The following SOX6 variants were observed in gnomAD, a reference collection of about 807,000 sequenced individuals.
SOX6 encodes SRY-box transcription factor 6.
SOX6 carries 11 observed loss-of-function variants against 97.8 expected under a neutral mutation model. The ratio of observed to expected loss-of-function variants is 0.11; its 90% CI spans 0.07 to 0.19. The LOEUF is 0.19. Ranked by LOEUF, SOX6 falls within the 10% of genes least tolerant of loss-of-function variation. The probability of loss-of-function intolerance (pLI) is 1.00; values close to 1 mark genes in which losing one functional copy is unlikely to be tolerated. For synonymous variants in SOX6, 360 were observed against 371.4 expected (o/e 0.97, Z 0.35); for missense variants, 810 against 1,039.5 (o/e 0.78, Z 3.04).
At position 16,186,905 on chromosome 11, in the gene SOX6, T is replaced by C. The variant is rs1227658240; in HGVS notation, c.586A>G (p.Thr196Ala). 3.1e-5 allele frequency: 50 copies of C among 1,613,662 alleles called. No homozygotes were observed. Among genetic ancestry groups the C allele is most frequent in the Non-Finnish European group, 4.2e-5 (49 of 1,179,828 alleles). Residue 196 changes from threonine (T) to alanine (A), a missense_variant, in exon 5 of 16, where the codon ACC becomes GCC. Physicochemically the swap from Thr to Ala is moderately conservative, Grantham distance 58 (BLOSUM62 0). Around this residue, in one of 9 missense-constraint regions of SOX6, gnomAD observed 110 missense variants for 119.0 expected, o/e 0.92. Transcript: ENST00000683767. ...TGCTCCCGTAAACTGATCAGCTGGG[T>C]AATCATGGTGGAGAGCTGCCGTTCT... ...EKERQLSTMI[T>A]QLISLREQLL...
chr11:16,186,571 A>G (rs1472557846), intron 5 of SOX6, among the ~76,000 whole-genome samples: 2 of 152,146 alleles, frequency 1.3e-5, no homozygotes, highest in Admixed American at 6.5e-5. Flanking sequence ...AGTTATGCCC[A>G]GTTGCTATGA....
intron 3 of SOX6, among the ~76,000 whole-genome samples, chr11:16,280,158 A>G (rs1854513593): frequency 6.6e-6 from 1 of 152,106 alleles, no homozygotes; most frequent in Non-Finnish European, 1.5e-5. Context: ...TATGCGTAAG[A>G]GTCAAATATT....
At chr11:16,197,980 AG>A (rs1851828919) in intron 4 of SOX6, among the ~76,000 whole-genome samples, 1 of 152,210 alleles carries the variant, frequency 6.6e-6, no homozygotes, top group Admixed American at 6.5e-5. Flanking sequence ...TTCTCACACT[AG>A]GACATTCGTC....
rs576981296 is a variant in SOX6, at chr11:16,649,304, T to A, written n.430-37044A>T. On this transcript the variant is annotated intron_variant and non_coding_transcript_variant, in intron 3 of 5. Coordinates refer to the SOX6 transcript ENST00000524520. ...AATTCATTGCAGAAAGATCATCACC[T>A]AGGCATATATTCATCAGACTATCTA... is the stretch of plus-strand genomic sequence containing the variant. 2.0e-5 allele frequency among the ~76,000 whole-genome samples: 3 copies of A among 152,316 alleles called. No homozygotes were observed. The East Asian group carries it at 5.8e-4, about 29-fold the overall frequency.
intron 1 of SOX6, among the ~76,000 whole-genome samples, chr11:16,417,952 C>T (rs1210201532): frequency 2.0e-5 from 3 of 152,086 alleles, no homozygotes; most frequent in Non-Finnish European, 4.4e-5. Flanking sequence ...TTTAAACAAA[C>T]GCTAATATTC....
At chr11:16,078,789 A>G in intron 9 of SOX6, among the ~76,000 whole-genome samples, 1 of 152,152 alleles carries the variant, frequency 6.6e-6, no homozygotes. Flanking sequence ...TAAAGACCTG[A>G]GCTAAGTGAG....
chr11:16,129,529 C>G (rs1249392587), intron 6 of SOX6, among the ~76,000 whole-genome samples: 2 of 152,026 alleles, frequency 1.3e-5, no homozygotes, highest in Non-Finnish European at 2.9e-5. Context: ...GGTTAAGGTA[C>G]TAGTTTTAAA....
intron 6 of SOX6, among the ~76,000 whole-genome samples, chr11:16,132,310 GGAAGGAAGGAAGGAAGGAAGGAAA>G (rs1183957988): frequency 4.5e-5 from 5 of 111,296 alleles, no homozygotes; most frequent in African/African-American, 1.7e-4. Context: ...AAGGAAGGAA[GGAAGGAAGGAAGGAAGGAAGGAAA>G]GAAAAAAGAA....
chr11:16,075,602 A>T (rs1490481509), intron 9 of SOX6, among the ~76,000 whole-genome samples: 1 of 152,172 alleles, frequency 6.6e-6, no homozygotes, highest in Non-Finnish European at 1.5e-5. Context: ...TGGGAGCTGA[A>T]CAATGAGAAC....
At chr11:16,735,007 C>T (rs981241230) in intron 2 of SOX6, among the ~76,000 whole-genome samples, 3 of 152,110 alleles carry the variant, frequency 2.0e-5, no homozygotes, top group African/African-American at 7.2e-5. Context: ...TAATTATAGG[C>T]TTAATTCTAT....
chr11:16,138,654 C>A (rs1850041636), intron 6 of SOX6, among the ~76,000 whole-genome samples: 1 of 151,890 alleles, frequency 6.6e-6, no homozygotes, highest in Non-Finnish European at 1.5e-5. Flanking sequence ...CACCCATTAA[C>A]TCGTCATTTA....
chr11:16,454,433 A>C (rs1859776898), intron 1 of SOX6, among the ~76,000 whole-genome samples: 1 of 152,064 alleles, frequency 6.6e-6, no homozygotes. Context: ...TCATTCATAA[A>C]ATATTCAAGC....
chr11:16,590,751 A>G (rs1361091380), intron 4 of SOX6, among the ~76,000 whole-genome samples: 1 of 152,118 alleles, frequency 6.6e-6, no homozygotes, highest in African/African-American at 2.4e-5. Flanking sequence ...AAAAAAAATT[A>G]AAACAATTGA....
intron 3 of SOX6, among the ~76,000 whole-genome samples, chr11:16,308,633 AG>A (rs1855509149): frequency 6.6e-6 from 1 of 152,192 alleles, no homozygotes; most frequent in South Asian, 2.1e-4. Context: ...AATAATTAAT[AG>A]GTTTGTAATT....
Position 16,578,517 on chromosome 11 carries a change from TC to T in SOX6, n.609+33563del, listed in dbSNP as rs1211513987. ...GGGCTAGATTGTGTTAGATTGTTTT[TC>T]CCCCAAAGTTTATCCCACTGTCAAG... On this transcript the variant is annotated intron_variant and non_coding_transcript_variant, in intron 4 of 5. Coordinates refer to the SOX6 transcript ENST00000524520. Among the ~76,000 whole-genome samples, 7 of 152,050 alleles carry T rather than the reference TC, an allele frequency of 4.6e-5. No homozygotes were observed. The East Asian group carries it at 1.3e-3, about 29-fold the overall frequency.
intron 3 of SOX6, among the ~76,000 whole-genome samples, chr11:16,712,134 T>C (rs1272984029): frequency 6.6e-6 from 1 of 151,244 alleles, no homozygotes; most frequent in Non-Finnish European, 1.5e-5. Flanking sequence ...ACAGTTTCTT[T>C]AACCACTCAT....
rs1853148896 is a variant in SOX6, at chr11:15,966,637, T to A, written c.*6172A>T. On this transcript the variant is annotated 3_prime_UTR_variant, in exon 16 of 16. Coordinates refer to ENST00000683767, the MANE Select transcript of SOX6 (RefSeq NM_001367873.1). The stretch of plus-strand genomic sequence containing the variant: ...TATACATTATCACCCAAAGATGGCA[T>A]GTTGAACATATCAGGAAAGCACCTT... 6.6e-6 allele frequency: 1 copy of A among 152,018 alleles called. No homozygotes were observed. Among genetic ancestry groups the A allele is most frequent in the Non-Finnish European group, 1.5e-5 (1 of 68,044 alleles). The allele number at this position is 152,018 out of a possible 1,614,324, so 9.4% of individuals were successfully genotyped here.
chr11:16,545,464 G>A lies in SOX6; in HGVS notation n.609+66617C>T, dbSNP rs117728297. ...AGGTATAGAAAGTATATACCTTAAT[G>A]TAATAAAGTCCATATATGGCGAAGC... On this transcript the variant is annotated intron_variant and non_coding_transcript_variant, in intron 4 of 5. Transcript: ENST00000524520. Among the ~76,000 whole-genome samples, 617 of 152,130 alleles carry A rather than the reference G, an allele frequency of 4.1e-3. 13 individuals carry two copies. In the East Asian group the frequency reaches 0.046, roughly 11 times the overall value.
intron 11 of SOX6, among the ~76,000 whole-genome samples, chr11:16,048,557 T>A (rs1263981973): frequency 1.3e-5 from 2 of 152,152 alleles, no homozygotes; most frequent in East Asian, 3.9e-4. Context: ...ATTCTACCTG[T>A]AAAAACCACA....
Sources: allele counts gnomAD v4.1 joint callset (sites outside exome capture counted in the v4.1 genomes callset), GRCh38; gene constraint gnomAD v4.1.1; regional missense constraint gnomAD v4.1.1; transcripts MANE v1.5; gene names NCBI Gene and HGNC (gene_info 2026-07-23, HGNC 2026-07-21).